The following NUDCD3 variants were observed in gnomAD, a reference collection of about 807,000 sequenced individuals.
NUDCD3 encodes NudC domain containing 3, also known as nudC domain-containing protein 3.
A neutral mutation model predicts 39.7 loss-of-function variants in NUDCD3; 13 were observed. The observed-to-expected ratio is 0.33, with a 90% CI of 0.21 to 0.52. The LOEUF is 0.52. Ranked by LOEUF, NUDCD3 falls within the 20% of genes least tolerant of loss-of-function variation. The probability of loss-of-function intolerance (pLI) is 0.96; values close to 1 mark genes in which losing one functional copy is unlikely to be tolerated. For synonymous variants in NUDCD3, 175 were observed against 172.4 expected, an observed-to-expected ratio of 1.02 and a Z score of -0.12; for missense variants, 453 against 458.1, an observed-to-expected ratio of 0.99 and a Z score of 0.10.
chr7:44,442,506 CAGGCTGAATCACTTCAGCCCCACGA>C (rs1316209552), intron 2 of NUDCD3, among the ~76,000 whole-genome samples: 1 of 152,150 alleles, frequency 6.6e-6, no homozygotes, highest in Non-Finnish European at 1.5e-5. Flanking sequence ...CAAGGACACT[CAGGCTGAATCACTTCAGCCCCACGA>C]GGGCTGAAGA....
chr7:44,393,927 C>T (rs760751668), intron 4 of NUDCD3, among the ~76,000 whole-genome samples: 50 of 152,162 alleles, frequency 3.3e-4, no homozygotes, highest in Non-Finnish European at 1.0e-4. Context: ...CACCAGTATA[C>T]ACGGGCTTGA....
At chr7:44,388,417 C>A (rs1798440719) in intron 5 of NUDCD3, among the ~76,000 whole-genome samples, 1 of 152,212 alleles carries the variant, frequency 6.6e-6, no homozygotes, top group Admixed American at 6.5e-5. Flanking sequence ...ATGTGGCTAA[C>A]CTGCTACATG....
At chr7:44,421,584 T>C (rs1361151195) in intron 3 of NUDCD3, among the ~76,000 whole-genome samples, 1 of 150,438 alleles carries the variant, frequency 6.6e-6, no homozygotes, top group Non-Finnish European at 1.5e-5. Context: ...GGGCATTACA[T>C]AATGGTAAAG....
chr7:44,433,979 AT>A (rs1799418767), intron 2 of NUDCD3, among the ~76,000 whole-genome samples: 1 of 151,844 alleles, frequency 6.6e-6, no homozygotes, highest in East Asian at 1.9e-4. Flanking sequence ...TCAACTCAAG[AT>A]TTCTTCCACC....
chr7:44,485,272 A>T lies in NUDCD3; in HGVS notation c.205T>A (p.Phe69Ile). The T allele has an allele frequency of 6.2e-7, 1 of 1,611,120 alleles. No homozygotes were observed. Among genetic ancestry groups the T allele is most frequent in the Non-Finnish European group, 8.5e-7 (1 of 1,178,140 alleles). ...TCATCCTGACGGGCCATGTGGTCAA[A>T]GGTTTTGAATACCTAAAATCAAACA... ...QALVLQVFKT[F>I]DHMARQDDEK... is the part of the protein sequence containing the mutation. Residue 69 changes from phenylalanine to isoleucine, a missense_variant, in exon 2 of 6, where the codon TTT (phenylalanine) becomes ATT (isoleucine). Coordinates refer to ENST00000355451, the MANE Select transcript of NUDCD3 (RefSeq NM_015332.4).
chr7:44,396,499 G>A (rs1798627370), intron 4 of NUDCD3, among the ~76,000 whole-genome samples: 1 of 152,092 alleles, frequency 6.6e-6, no homozygotes, highest in Non-Finnish European at 1.5e-5. Flanking sequence ...TGACTTGCCT[G>A]GAGTCCCTCT....
rs970463441 is a variant in NUDCD3, at chr7:44,417,938, G to A, written c.642+9633C>T. Among the ~76,000 whole-genome samples the A allele has an allele frequency of 5.3e-5, 8 of 152,158 alleles. No homozygotes were observed. The South Asian group carries it at 8.3e-4, about 16-fold the overall frequency. Reference sequence around the variant, plus strand: ...ATTGAGCACACAGCTACTTGCTGCCGAAGCCAGGCCACCAGCAACTCACTG... The same window carrying A: ...ATTGAGCACACAGCTACTTGCTGCCAAAGCCAGGCCACCAGCAACTCACTG... On this transcript the variant is annotated intron_variant, in intron 3 of 5. Transcript: ENST00000355451.
chr7:44,451,026 T>C (rs1799785686), intron 2 of NUDCD3, among the ~76,000 whole-genome samples: 1 of 152,246 alleles, frequency 6.6e-6, no homozygotes, highest in South Asian at 2.1e-4. Flanking sequence ...CTCTGAATAT[T>C]TGTACATTCA....
intron 3 of NUDCD3, among the ~76,000 whole-genome samples, chr7:44,406,490 C>A (rs1798823054): frequency 6.6e-6 from 1 of 152,218 alleles, no homozygotes; most frequent in African/African-American, 2.4e-5. Flanking sequence ...AAACACGACA[C>A]AGAGGGCCCA....
chr7:44,394,213 G>A, intron 4 of NUDCD3, among the ~76,000 whole-genome samples: 1 of 152,248 alleles, frequency 6.6e-6, no homozygotes, highest in East Asian at 1.9e-4. Flanking sequence ...TCCGAATGCA[G>A]ATAGGGGGAG....
At chr7:44,406,288 T>C (rs1227167674) in intron 3 of NUDCD3, among the ~76,000 whole-genome samples, 1 of 152,208 alleles carries the variant, frequency 6.6e-6, no homozygotes, top group Non-Finnish European at 1.5e-5. Flanking sequence ...TGACCTTTCA[T>C]AGGGGAATTT....
At chr7:44,450,950 T>A (rs1366836747) in intron 2 of NUDCD3, among the ~76,000 whole-genome samples, 1 of 152,184 alleles carries the variant, frequency 6.6e-6, no homozygotes, top group Non-Finnish European at 1.5e-5. Flanking sequence ...TGATTATTCA[T>A]ATACATAACA....
intron 3 of NUDCD3, among the ~76,000 whole-genome samples, chr7:44,414,358 C>CT (rs746931653): frequency 6.6e-6 from 1 of 152,124 alleles, no homozygotes; most frequent in Non-Finnish European, 1.5e-5. Context: ...CTGGGCACCC[C>CT]TCAGGCACTT....
In NUDCD3 at chr7:44,386,125, C is replaced by G; in HGVS notation, c.976-4G>C. ...TCTTCAGCATCTCATGGACTTTCTA[C>G]AAACAGAAAATAGAGAGATTAAAGG... is the stretch of plus-strand genomic sequence containing the variant. On this transcript the variant is annotated splice_region_variant and splice_polypyrimidine_tract_variant and intron_variant, in intron 5 of 5. Coordinates refer to ENST00000355451, the MANE Select transcript of NUDCD3 (RefSeq NM_015332.4). 1 of 1,614,078 alleles carries G rather than the reference C, an allele frequency of 6.2e-7. No individual in the cohort carries two copies. Among genetic ancestry groups the G allele is most frequent in the Admixed American group, 1.7e-5 (1 of 60,010 alleles).
intron 2 of NUDCD3, among the ~76,000 whole-genome samples, chr7:44,465,902 G>T (rs1485000333): frequency 6.6e-6 from 1 of 152,182 alleles, no homozygotes; most frequent in Non-Finnish European, 1.5e-5. Flanking sequence ...GGGTAAAAGG[G>T]GTGCAAGAGA....
In NUDCD3 at chr7:44,486,686, A is replaced by C. The variant is rs572449611; in HGVS notation, c.193-1402T>G. On this transcript the variant is annotated intron_variant, in intron 1 of 5. Transcript: ENST00000355451. ...GTTGCTCATCCTGCTGATACTCCAG[A>C]TCTTCATCTTAACTCCACAAAAGCA... 4.3e-4 allele frequency among the ~76,000 whole-genome samples: 65 copies of C among 152,248 alleles called. 1 individual carries two copies. The highest frequency in any genetic ancestry group is 6.8e-3 in the Middle Eastern group (2 of 294).
chr7:44,406,590 T>C (rs772352440), intron 3 of NUDCD3, among the ~76,000 whole-genome samples: 6 of 152,162 alleles, frequency 3.9e-5, no homozygotes, highest in Non-Finnish European at 5.9e-5. Flanking sequence ...ATTTCCAAAT[T>C]TGGGGAAGCT....
At chr7:44,432,055 G>A (rs1799374557) in intron 2 of NUDCD3, among the ~76,000 whole-genome samples, 1 of 152,168 alleles carries the variant, frequency 6.6e-6, no homozygotes, top group African/African-American at 2.4e-5. Context: ...GGCCAAAACA[G>A]GAGGATTACT....
At chr7:44,392,515 C>CA (rs1798540477) in intron 4 of NUDCD3, 30 bp from the exon 5 acceptor site, 4 of 1,604,450 alleles carry the variant, frequency 2.5e-6, no homozygotes, top group Non-Finnish European at 2.6e-6. Context: ...AGACCTGAGT[C>CA]AGAGACCTGA....
Sources: gnomAD v4.1 joint callset for allele counts (sites outside exome capture counted in the v4.1 genomes callset) on GRCh38, gnomAD v4.1.1 for gene constraint, MANE v1.5 for transcripts, NCBI Gene and HGNC (gene_info 2026-07-23, HGNC 2026-07-21) for gene names.